The following NAV2 variants were observed in gnomAD, a reference collection of about 807,000 sequenced individuals.
The protein encoded by NAV2 is neuron navigator 2.
NAV2 carries 54 observed loss-of-function variants against 223.2 expected under a neutral mutation model. The observed-to-expected ratio is 0.24, with a 90% CI of 0.19 to 0.30. NAV2 has a LOEUF of 0.30. Among genes scored for constraint, NAV2 ranks in the 10% least tolerant of loss-of-function variants. The pLI is 1.00. For synonymous variants in NAV2, 1,279 were observed against 1,239.3 expected, an observed-to-expected ratio of 1.03 and a Z score of -0.67; for missense variants, 2,806 against 3,147.5, an observed-to-expected ratio of 0.89 and a Z score of 2.60.
chr11:19,742,552 A>G (rs1386802416), intron 1 of NAV2, among the ~76,000 whole-genome samples: 1 of 152,094 alleles, frequency 6.6e-6, no homozygotes, highest in Non-Finnish European at 1.5e-5. Context: ...TCCAGGTAAG[A>G]GCTGGTGGCT....
chr11:19,756,735 A>G (rs1200562139), intron 1 of NAV2, among the ~76,000 whole-genome samples: 1 of 152,236 alleles, frequency 6.6e-6, no homozygotes. Flanking sequence ...AGCCTGATGC[A>G]TTAGTCACAA....
intron 15 of NAV2, among the ~76,000 whole-genome samples, chr11:20,049,584 C>A (rs2057774668): frequency 1.3e-5 from 2 of 151,790 alleles, no homozygotes; most frequent in South Asian, 4.2e-4. Context: ...GTAGGATGCT[C>A]TTTAGACAGC....
chr11:20,103,588 G>C (rs2061801642), intron 33 of NAV2, 65 bp from the exon 34 acceptor site: 1 of 1,579,354 alleles, frequency 6.3e-7, no homozygotes, highest in Non-Finnish European at 8.7e-7. Context: ...ATGGGCCTCT[G>C]TGACCACCTT....
chr11:20,025,777 G>T (rs1041580439), intron 11 of NAV2, among the ~76,000 whole-genome samples: 1 of 152,170 alleles, frequency 6.6e-6, no homozygotes, highest in African/African-American at 2.4e-5. Context: ...TGTAGACGTT[G>T]CTTCTCCCCT....
intron 1 of NAV2, among the ~76,000 whole-genome samples, chr11:19,469,745 T>G (rs1030260739): frequency 6.6e-6 from 1 of 152,266 alleles, no homozygotes; most frequent in Non-Finnish European, 1.5e-5. Flanking sequence ...ATTTTCTGGC[T>G]ATTCTGTATG....
chr11:19,840,200 G>A (rs1054896641), intron 2 of NAV2, among the ~76,000 whole-genome samples: 3 of 152,048 alleles, frequency 2.0e-5, no homozygotes, highest in Non-Finnish European at 2.9e-5. Context: ...ATCTCTTCCC[G>A]TGTACTCTTT....
intron 10 of NAV2, among the ~76,000 whole-genome samples, chr11:19,972,489 A>G (rs1045889332): frequency 8.5e-5 from 13 of 152,218 alleles, no homozygotes; most frequent in Admixed American, 8.5e-4. Flanking sequence ...CCCATTTAGA[A>G]TAAGTGCCCA....
At chr11:19,947,293 G>C (rs915987424) in intron 9 of NAV2, among the ~76,000 whole-genome samples, 1 of 152,166 alleles carries the variant, frequency 6.6e-6, no homozygotes, top group East Asian at 1.9e-4. Context: ...CCAAAACAAG[G>C]GGTCCAATCT....
At chr11:19,855,945 C>T (rs1049343943) in intron 3 of NAV2, among the ~76,000 whole-genome samples, 1 of 152,190 alleles carries the variant, frequency 6.6e-6, no homozygotes, top group Non-Finnish European at 1.5e-5. Context: ...TTATCAAGTG[C>T]TCTCTCTTTA....
At chr11:19,473,713 G>A (rs2133949550) in intron 1 of NAV2, among the ~76,000 whole-genome samples, 1 of 151,996 alleles carries the variant, frequency 6.6e-6, no homozygotes, top group South Asian at 2.1e-4. Context: ...GCCTCACCCA[G>A]GTCCCCTCTT....
chr11:20,030,584 C>T (rs954973047), intron 11 of NAV2, among the ~76,000 whole-genome samples: 3 of 152,180 alleles, frequency 2.0e-5, no homozygotes, highest in Admixed American at 6.5e-5. Flanking sequence ...ATTAAATTTT[C>T]TTAAATATTT....
At chr11:19,407,327 C>T (rs1590143850) in intron 1 of NAV2, among the ~76,000 whole-genome samples, 1 of 152,162 alleles carries the variant, frequency 6.6e-6, no homozygotes, top group African/African-American at 2.4e-5. Flanking sequence ...GAGAGGCTGA[C>T]AAGCAGCACC....
rs760603762 is a variant in NAV2 at position 19,713,754 on chromosome 11, G to A, written c.59G>A (p.Ser20Asn). Residue 20 changes from serine (S) to asparagine (N), a missense_variant, in exon 1 of 38, where the codon AGC becomes AAC. This residue lies in a region of NAV2 where 1,167 missense variants were observed against 1,180.5 expected (regional missense o/e 0.99). Coordinates refer to ENST00000349880, the MANE Select transcript of NAV2 (RefSeq NM_145117.5). The surrounding 1 kb of genome is among the most constrained non-coding windows in gnomAD (Gnocchi z 7.2). ...TCGGGACTGCCCAAACCCGTGCACA[G>A]CGCCGCGCCCATCCTGCACGTGCCC... is the stretch of plus-strand genomic sequence containing the variant. ...MKSGLPKPVHSAAPILHVPPA... is the reference protein window; with the variant it reads ...MKSGLPKPVHNAAPILHVPPA... The A allele has an allele frequency of 1.7e-5, 28 of 1,611,970 alleles. No individual in the cohort carries two copies. Among genetic ancestry groups the A allele is most frequent in the Non-Finnish European group, 2.4e-5 (28 of 1,179,290 alleles).
At chr11:19,954,937 A>G (rs1342029030) in intron 10 of NAV2, among the ~76,000 whole-genome samples, 772 of 50,594 alleles carry the variant, frequency 0.015, 7 homozygotes, top group African/African-American at 0.043. Context: ...ATATACATAT[A>G]TATATACATA....
At chr11:19,584,750 G>T (rs2045838750) in intron 1 of NAV2, among the ~76,000 whole-genome samples, 1 of 152,308 alleles carries the variant, frequency 6.6e-6, no homozygotes, top group East Asian at 1.9e-4. Context: ...GAGACAGTTT[G>T]TTATAATTTC....
chr11:19,985,195 A>G (rs536100890), intron 11 of NAV2, among the ~76,000 whole-genome samples: 1 of 152,238 alleles, frequency 6.6e-6, no homozygotes, highest in Non-Finnish European at 1.5e-5. Flanking sequence ...CAAAGAGCTA[A>G]GTGACTTCTG....
In NAV2 at chr11:20,045,419, C is replaced by T. The variant is rs1564917815; in HGVS notation, c.3651C>T (p.Asn1217=). The T allele has an allele frequency of 6.2e-7, 1 of 1,614,204 alleles. No homozygotes were observed. Among genetic ancestry groups the T allele is most frequent in the Non-Finnish European group, 8.5e-7 (1 of 1,180,030 alleles). Residue 1217 remains asparagine, a synonymous_variant, in exon 14 of 38, where the codon AAC becomes AAT. Transcript: ENST00000349880. The part of the protein sequence containing the change: ...NRSSTSSIDS[N]ISSKSAGLPV... Reference sequence around the variant, plus strand: ...CTAGCACCAGCAGCATAGATTCCAACATTAGCAGCAAGTCCGCAGGCCTGC... The same window carrying T: ...CTAGCACCAGCAGCATAGATTCCAATATTAGCAGCAAGTCCGCAGGCCTGC...
At chr11:19,927,319 C>T (rs567534654) in intron 6 of NAV2, among the ~76,000 whole-genome samples, 34 of 152,316 alleles carry the variant, frequency 2.2e-4, no homozygotes, top group Non-Finnish European at 4.0e-4. Flanking sequence ...TAGTGGCTCA[C>T]GCCTGTAATC....
At chr11:19,710,212 A>G (rs377446407), upstream of NAV2, among the ~76,000 whole-genome samples, 11 of 152,296 alleles carry the variant, frequency 7.2e-5, 1 homozygote, top group East Asian at 1.2e-3. Context: ...AACTAGATGG[A>G]TGCACTCTGA....
Sources: gnomAD v4.1 joint callset for allele counts (sites outside exome capture counted in the v4.1 genomes callset) on GRCh38, gnomAD v4.1.1 for gene constraint, gnomAD v4.1.1 regional missense constraint, Gnocchi (gnomAD v3.1) non-coding constraint, MANE v1.5 for transcripts, NCBI Gene and HGNC (gene_info 2026-07-23, HGNC 2026-07-21) for gene names.